Variants in NEB observed in about 807,000 individuals in gnomAD.
NEB encodes nemaline myopathy type 2.
Under a neutral mutation model 952.2 loss-of-function variants are expected in NEB, and 512 were observed. That is an observed-to-expected ratio of 0.54 (90% CI 0.50 to 0.58). NEB has a LOEUF of 0.58. Ranked by LOEUF, NEB falls within the 20% of genes least tolerant of loss-of-function variation. The pLI is 0.00. For synonymous variants in NEB, 2,900 were observed against 3,149.8 expected (o/e 0.92, Z 2.66); for missense variants, 8,428 against 9,231.1 (o/e 0.91, Z 3.56).
intron 38 of NEB, among the ~76,000 whole-genome samples, chr2:151,670,390 C>T (rs1002149100): frequency 1.3e-5 from 2 of 149,264 alleles, no homozygotes; most frequent in African/African-American, 5.1e-5. Flanking sequence ...AGGCCCTGAG[C>T]ATTGTAATTC....
At position 151,543,406 on chromosome 2, in the gene NEB, A is replaced by G. The variant is rs528975319; in HGVS notation, c.20578-1855T>C. On this transcript the variant is annotated intron_variant, in intron 135 of 181. Transcript: ENST00000397345. ...TTTGGGGCTGTTTTTTCATGTTACT[A>G]TTGAAAGAGATAAACTAAATGAAAA... Among the ~76,000 whole-genome samples the G allele has an allele frequency of 7.9e-5, 12 of 152,328 alleles. No homozygotes were observed. In the South Asian group the frequency reaches 2.5e-3, roughly 32 times the overall value.
In NEB at chr2:151,666,203, A is replaced by G; in HGVS notation, c.4918T>C (p.Ser1640Pro). 6.2e-7 allele frequency: 1 copy of G among 1,613,870 alleles called. No individual in the cohort carries two copies. Among genetic ancestry groups the G allele is most frequent in the Non-Finnish European group, 8.5e-7 (1 of 1,179,848 alleles). ...TTGGCGTTGGTGGCAACCTCCTGAG[A>G]TTTCTTTGCAGCTGTCACACTGACC... ...DMVSVTAAKK[S>P]QEVATNANYR... The change falls in exon 41 of 182, where the codon TCT (serine) becomes CCT (proline). Residue 1640 changes from serine (S) to proline (P), a missense_variant. Physicochemically the swap from Ser to Pro is moderately conservative, Grantham distance 74. Around this residue, in one of 11 missense-constraint regions of NEB, gnomAD observed 2,851 missense variants for 2,791.5 expected, o/e 1.02. Transcript: ENST00000397345.
chr2:151,694,058 A>G (rs2149246371), intron 20 of NEB, among the ~76,000 whole-genome samples: 1 of 152,352 alleles, frequency 6.6e-6, no homozygotes, highest in Non-Finnish European at 1.5e-5. Flanking sequence ...AATAATAAAA[A>G]CAATGATATT....
In NEB at chr2:151,631,324, T is replaced by G. The variant is rs2098662445; in HGVS notation, c.9437A>C (p.Gln3146Pro). The change falls in exon 66 of 182, where the codon CAG becomes CCG. Residue 3146 changes from glutamine (Q) to proline (P), a missense_variant. Gln to Pro is a moderately conservative substitution (Grantham distance 76, BLOSUM62 -1). Around this residue, in one of 11 missense-constraint regions of NEB, gnomAD observed 1,772 missense variants for 1,960.3 expected, o/e 0.90. Coordinates refer to ENST00000397345, the MANE Select transcript of NEB (RefSeq NM_001164508.2). ...QSDNIYKSDL[Q>P]WLRGIGWVPI... ...GACCCAGCCAATGCCTCTCAGCCAC[T>G]GGAGATCTGACTTGTAAATATTCTG... 1 of 1,613,556 alleles carries G rather than the reference T, an allele frequency of 6.2e-7. No individual in the cohort carries two copies. Among genetic ancestry groups the G allele is most frequent in the South Asian group, 1.1e-5 (1 of 91,068 alleles).
intron 128 of NEB, among the ~76,000 whole-genome samples, chr2:151,552,214 TC>T: frequency 6.6e-6 from 1 of 152,306 alleles, no homozygotes. Flanking sequence ...CTTCCTTACG[TC>T]CCCATTTTAT....
chr2:151,547,610 T>C lies in NEB; in HGVS notation c.20262+24A>G, dbSNP rs772017298. 2.5e-6 allele frequency: 4 copies of C among 1,609,468 alleles called. No individual in the cohort carries two copies. The Admixed American group carries it at 5.0e-5, about 20-fold the overall frequency. On this transcript the variant is annotated intron_variant, in intron 132 of 181. Transcript: ENST00000397345. ...ACATTCATCCCTAGTCTCTACTCCC[T>C]GTCTTTCCTAAGAAAATACCCACCT... is the stretch of plus-strand genomic sequence containing the variant.
At chr2:151,713,471 G>A (rs2150168301) in intron 10 of NEB, among the ~76,000 whole-genome samples, 1 of 152,284 alleles carries the variant, frequency 6.6e-6, no homozygotes, top group African/African-American at 2.4e-5. Context: ...GAATTTCCAT[G>A]GTTTTAGAGG....
At chr2:151,572,048 G>A (rs1320397574) in intron 107 of NEB, among the ~76,000 whole-genome samples, 1 of 152,220 alleles carries the variant, frequency 6.6e-6, no homozygotes, top group African/African-American at 2.4e-5. Context: ...AGGGCTGGGT[G>A]CAGTGGCTTA....
At chr2:151,624,034 T>C (rs2098469755) in intron 71 of NEB, among the ~76,000 whole-genome samples, 1 of 152,158 alleles carries the variant, frequency 6.6e-6, no homozygotes, top group Non-Finnish European at 1.5e-5. Context: ...AACAGATGTG[T>C]TTGTTTTGTT....
chr2:151,513,507 A>T, intron 160 of NEB, 73 bp downstream of exon 160: 1 of 1,076,368 alleles, frequency 9.3e-7, no homozygotes, highest in Non-Finnish European at 1.4e-6. Flanking sequence ...AAATCAGATG[A>T]CAGAGGGACA....
chr2:151,618,555 G>T, intron 73 of NEB, 77 bp from the exon 74 acceptor site: 1 of 1,369,090 alleles, frequency 7.3e-7, no homozygotes, highest in South Asian at 1.3e-5. Flanking sequence ...TTATCCTAGA[G>T]AAACACAAAA....
chr2:151,626,654 A>T (rs546004791), intron 70 of NEB, among the ~76,000 whole-genome samples: 4 of 151,786 alleles, frequency 2.6e-5, no homozygotes, highest in African/African-American at 9.7e-5. Flanking sequence ...CTCCTGCCTC[A>T]GCCTCTTGAG....
chr2:151,514,092 A>G (rs1372446727), intron 159 of NEB, among the ~76,000 whole-genome samples: 1 of 152,246 alleles, frequency 6.6e-6, no homozygotes, highest in Non-Finnish European at 1.5e-5. Context: ...ATATTAGATA[A>G]TAGATTATGA....
At position 151,619,827 on chromosome 2, in the gene NEB, T is replaced by G. The variant is rs529834661; in HGVS notation, c.10561-65A>C. 52 of 1,487,004 alleles carry G rather than the reference T, an allele frequency of 3.5e-5. 1 individual carries two copies. The highest frequency in any genetic ancestry group is 4.4e-5 in the Non-Finnish European group (48 of 1,098,376). 92.1% of individuals were successfully genotyped at this position (1,487,004 alleles called of 1,614,324 possible). A position where few individuals can be genotyped will look rare whatever the true frequency, so the allele number is the denominator to read the frequency against. ...GGGCTATTCCCTGTTGTTCTTTCTG[T>G]GGTGGTGCTTTCTATGAAATCTTTA... On this transcript the variant is annotated intron_variant, in intron 72 of 181. Coordinates refer to ENST00000397345, the MANE Select transcript of NEB (RefSeq NM_001164508.2).
At chr2:151,621,783 T>G (rs1176476095) in intron 71 of NEB, among the ~76,000 whole-genome samples, 2 of 152,214 alleles carry the variant, frequency 1.3e-5, no homozygotes, top group Admixed American at 6.5e-5. Flanking sequence ...AAATTTTGAC[T>G]GATTCTGTAT....
At chr2:151,493,254 T>C in intron 176 of NEB, 99 bp downstream of exon 176, 3 of 927,164 alleles carry the variant, frequency 3.2e-6, no homozygotes, top group Non-Finnish European at 3.3e-6. Context: ...TTTAAAATTT[T>C]AGTGTGTTTT....
At position 151,663,636 on chromosome 2, in the gene NEB, T is replaced by C. The variant is rs2099171048; in HGVS notation, c.5675A>G (p.Asn1892Ser). The stretch of plus-strand genomic sequence containing the variant: ...GTAGGTATGGATCACGTTCCTGTAG[T>C]TGGCATTGGTGGCCACTTCCTGAGA... ...KKSQEVATNANYRNVIHTYNM... is the reference protein window; with the variant it reads ...KKSQEVATNASYRNVIHTYNM... The change falls in exon 45 of 182, where the codon AAC (asparagine) becomes AGC (serine). Residue 1892 changes from asparagine to serine, a missense_variant. Transcript: ENST00000397345. The C allele has an allele frequency of 5.6e-6, 9 of 1,613,804 alleles. No individual in the cohort carries two copies. In the East Asian group the frequency reaches 1.8e-4, roughly 32 times the overall value.
At position 151,663,659 on chromosome 2, in the gene NEB, A is replaced by G. The variant is rs1296464678; in HGVS notation, c.5652T>C (p.Ser1884=). 1 of 1,613,626 alleles carries G rather than the reference A, an allele frequency of 6.2e-7. No individual in the cohort carries two copies. Among genetic ancestry groups the G allele is most frequent in the Non-Finnish European group, 8.5e-7 (1 of 1,179,780 alleles). ...AGTTGGCATTGGTGGCCACTTCCTG[A>G]GACTTCTTGGCTGCCACCACACTGA... The part of the protein sequence containing the change: ...DMLSVVAAKK[S]QEVATNANYR... Residue 1884 remains serine (S), a synonymous_variant, in exon 45 of 182, where the codon TCT becomes TCC. Coordinates refer to ENST00000397345, the MANE Select transcript of NEB (RefSeq NM_001164508.2).
In NEB at chr2:151,485,870, C is replaced by T. The variant is rs745444923; in HGVS notation, c.25468G>A (p.Gly8490Arg). ...ADADEVSFKD[G>R]DAIINVQAID... Reference sequence around the variant, plus strand: ...GCTTGAACATTTATGATGGCATCTCCATCCTTGAAGGACACCTCATCTGCA... The same window carrying T: ...GCTTGAACATTTATGATGGCATCTCTATCCTTGAAGGACACCTCATCTGCA... The change falls in exon 182 of 182, where the codon GGA becomes AGA. Residue 8490 changes from glycine (G) to arginine (R), a missense_variant. By Grantham distance (125) the Gly-to-Arg change is moderately radical. Coordinates refer to ENST00000397345, the MANE Select transcript of NEB (RefSeq NM_001164508.2). 6.2e-7 allele frequency: 1 copy of T among 1,613,986 alleles called. No individual in the cohort carries two copies. Among genetic ancestry groups the T allele is most frequent in the South Asian group, 1.1e-5 (1 of 91,080 alleles).
Sources: allele counts gnomAD v4.1 joint callset (sites outside exome capture counted in the v4.1 genomes callset), GRCh38; gene constraint gnomAD v4.1.1; regional missense constraint gnomAD v4.1.1; transcripts MANE v1.5; gene names NCBI Gene and HGNC (gene_info 2026-07-23, HGNC 2026-07-21).